FILIP1: variants seen among roughly 807,000 people sequenced by gnomAD.
The protein encoded by FILIP1 is filamin A interacting protein 1, also known as filamin-A-interacting protein 1.
In FILIP1, 61 loss-of-function variants were observed where a neutral mutation model predicts 102.1. That is an observed-to-expected ratio of 0.60 (90% CI 0.49 to 0.74). FILIP1 has a LOEUF of 0.74. FILIP1 is among the 30% of genes least tolerant of loss of function. The pLI, the probability that FILIP1 is intolerant of heterozygous loss-of-function variation, is 0.00. For missense variants in FILIP1, 1,314 were observed against 1,441.2 expected, an observed-to-expected ratio of 0.91 and a Z score of 1.43; for synonymous variants, 491 against 526.9, an observed-to-expected ratio of 0.93 and a Z score of 0.93.
intron 1 of FILIP1, among the ~76,000 whole-genome samples, chr6:75,451,834 A>G (rs9352210): frequency 0.38 from 58,238 of 151,818 alleles, 11,994 homozygotes; most frequent in Non-Finnish European, 0.48. Flanking sequence ...ACTCCATCTC[A>G]AAAAAAATTT....
At chr6:75,328,167 A>C (rs1582351377) in intron 4 of FILIP1, among the ~76,000 whole-genome samples, 1 of 152,214 alleles carries the variant, frequency 6.6e-6, no homozygotes, top group South Asian at 2.1e-4. Flanking sequence ...TTGGATTCTT[A>C]TTCAAACTGC....
intron 1 of FILIP1, among the ~76,000 whole-genome samples, chr6:75,452,224 C>T (rs898155420): frequency 6.6e-6 from 1 of 151,896 alleles, no homozygotes; most frequent in African/African-American, 2.4e-5. Flanking sequence ...TTATCATTTA[C>T]ATTAGGTATA....
At position 75,308,646 on chromosome 6, in the gene FILIP1, C is replaced by A. The variant is rs376160760; in HGVS notation, c.*45G>T. 1 of 1,604,924 alleles carries A rather than the reference C, an allele frequency of 6.2e-7. No homozygotes were observed. Among genetic ancestry groups the A allele is most frequent in the Non-Finnish European group, 8.5e-7 (1 of 1,174,852 alleles). ...ACAAACAGATGAAGGTTCACTTTCA[C>A]GGCAGCAGTAGCATCTGCACAACAT... On this transcript the variant is annotated 3_prime_UTR_variant, in exon 6 of 6. Transcript: ENST00000237172.
chr6:75,343,843 ATT>A (rs1774491162), intron 4 of FILIP1, among the ~76,000 whole-genome samples: 1 of 152,226 alleles, frequency 6.6e-6, no homozygotes, highest in Non-Finnish European at 1.5e-5. Flanking sequence ...AGCTATAACA[ATT>A]TTATTATTGT....
At chr6:75,472,332 T>C (rs1779356089) in intron 1 of FILIP1, among the ~76,000 whole-genome samples, 2 of 152,260 alleles carry the variant, frequency 1.3e-5, no homozygotes, top group South Asian at 4.1e-4. Context: ...AAAATGATTA[T>C]TCTGGAAATA....
chr6:75,342,916 C>A (rs574251812), intron 4 of FILIP1, among the ~76,000 whole-genome samples: 20 of 152,294 alleles, frequency 1.3e-4, no homozygotes, highest in African/African-American at 4.8e-4. Flanking sequence ...CTCTTTTTCT[C>A]CTGAATTCTT....
At chr6:75,353,202 T>C (rs954519634) in intron 4 of FILIP1, among the ~76,000 whole-genome samples, 19 of 151,564 alleles carry the variant, frequency 1.3e-4, no homozygotes, top group Admixed American at 9.2e-4. Flanking sequence ...ACTTAAAGTA[T>C]AATAAAAAAT....
intron 1 of FILIP1, among the ~76,000 whole-genome samples, chr6:75,443,898 C>T (rs1778356191): frequency 1.3e-5 from 2 of 152,148 alleles, no homozygotes; most frequent in Admixed American, 6.6e-5. Context: ...GCCATTTAAC[C>T]TCTCTAAGCC....
At chr6:75,330,612 C>T (rs1402047085) in intron 4 of FILIP1, among the ~76,000 whole-genome samples, 2 of 152,082 alleles carry the variant, frequency 1.3e-5, no homozygotes, top group African/African-American at 2.4e-5. Context: ...AAGAGAAGAT[C>T]CTGTAGTTAT....
chr6:75,431,303 T>C (rs1414002628), intron 1 of FILIP1, among the ~76,000 whole-genome samples: 2 of 152,238 alleles, frequency 1.3e-5, no homozygotes, highest in Non-Finnish European at 2.9e-5. Flanking sequence ...TAAAGTCTGT[T>C]TCTCATGTAG....
chr6:75,462,470 T>C (rs1421115900), intron 1 of FILIP1, among the ~76,000 whole-genome samples: 3 of 152,090 alleles, frequency 2.0e-5, no homozygotes, highest in African/African-American at 7.2e-5. Flanking sequence ...AAAGAACTAG[T>C]TTGCCCATCT....
intron 1 of FILIP1, chr6:75,465,105 G>GCTTAAACTTCACCTT (rs1779124802): frequency 6.1e-6 from 1 of 163,442 alleles, no homozygotes; most frequent in Non-Finnish European, 1.3e-5. Flanking sequence ...CAAAACTTAA[G>GCTTAAACTTCACCTT]TCAAGGAGCA....
At chr6:75,476,349 G>A (rs1425952999) in intron 1 of FILIP1, among the ~76,000 whole-genome samples, 1 of 152,040 alleles carries the variant, frequency 6.6e-6, no homozygotes, top group East Asian at 1.9e-4. Flanking sequence ...AGTTTAACTG[G>A]GATTTAGGTG....
At chr6:75,486,876 T>C (rs759200305) in intron 1 of FILIP1, among the ~76,000 whole-genome samples, 21 of 151,978 alleles carry the variant, frequency 1.4e-4, no homozygotes, top group Non-Finnish European at 2.9e-4. Flanking sequence ...ATATAGATAA[T>C]ATATATTACA....
chr6:75,486,910 C>T (rs562708283), intron 1 of FILIP1, among the ~76,000 whole-genome samples: 6 of 151,728 alleles, frequency 4.0e-5, no homozygotes, highest in Non-Finnish European at 8.8e-5. Flanking sequence ...ATTATTATTA[C>T]TTATGGAATG....
intron 6 of FILIP1, among the ~76,000 whole-genome samples, chr6:75,302,147 C>T (rs1004139893): frequency 3.3e-5 from 5 of 152,148 alleles, no homozygotes; most frequent in Admixed American, 1.3e-4. Context: ...GGCCTGGTGG[C>T]TTCTGAGGTG....
intron 2 of FILIP1, among the ~76,000 whole-genome samples, chr6:75,383,553 C>T (rs1383209996): frequency 4.6e-5 from 7 of 152,144 alleles, no homozygotes; most frequent in Non-Finnish European, 7.3e-5. Flanking sequence ...ATGCTACATC[C>T]TCCCACATTC....
At chr6:75,370,132 C>T (rs1386109862) in intron 2 of FILIP1, among the ~76,000 whole-genome samples, 1 of 152,160 alleles carries the variant, frequency 6.6e-6, no homozygotes, top group African/African-American at 2.4e-5. Context: ...TAAATATGAC[C>T]CCATTGCTGC....
chr6:75,326,314 TA>T (rs1416822170), intron 4 of FILIP1, among the ~76,000 whole-genome samples: 9 of 152,108 alleles, frequency 5.9e-5, no homozygotes, highest in Admixed American at 5.9e-4. Flanking sequence ...CGCAAAGGCA[TA>T]AGAATGATAC....
Sources: allele counts gnomAD v4.1 joint callset (sites outside exome capture counted in the v4.1 genomes callset), GRCh38; gene constraint gnomAD v4.1.1; transcripts MANE v1.5; gene names NCBI Gene and HGNC (gene_info 2026-07-23, HGNC 2026-07-21).